The following CLEC16A variants were observed in gnomAD, a reference collection of about 807,000 sequenced individuals.
CLEC16A encodes C-type lectin domain containing 16A, also known as protein CLEC16A.
A neutral mutation model predicts 109.5 loss-of-function variants in CLEC16A; 51 were observed. The observed-to-expected ratio is 0.47, with a 90% CI of 0.37 to 0.59. The LOEUF (loss-of-function observed/expected upper bound fraction) is 0.59, where lower values mean the gene tolerates loss of function less well. CLEC16A is among the 20% of genes least tolerant of loss of function. The pLI, the probability that CLEC16A is intolerant of heterozygous loss-of-function variation, is 0.00. For missense variants in CLEC16A, 1,339 were observed against 1,394.0 expected (o/e 0.96, Z 0.63); for synonymous variants, 673 against 564.2 (o/e 1.19, Z -2.73).
chr16:11,078,331 C>T (rs754720065), intron 19 of CLEC16A, among the ~76,000 whole-genome samples: 3 of 152,162 alleles, frequency 2.0e-5, no homozygotes, highest in Non-Finnish European at 4.4e-5. Context: ...TAAAGGATTC[C>T]ATTGCATAGC....
chr16:11,082,966 T>G (rs908955987), intron 19 of CLEC16A, among the ~76,000 whole-genome samples: 21 of 152,168 alleles, frequency 1.4e-4, no homozygotes, highest in African/African-American at 3.1e-4. Flanking sequence ...CCCATAGATC[T>G]GTGGTTTACC....
chr16:11,166,284 G>C, intron 22 of CLEC16A, 104 bp from the exon 23 acceptor site: 1 of 1,293,864 alleles, frequency 7.7e-7, no homozygotes, highest in Non-Finnish European at 1.0e-6. Flanking sequence ...AACAGAGCAG[G>C]ACTTTCAAGG....
At chr16:10,995,595 G>A (rs1057422009) in intron 10 of CLEC16A, among the ~76,000 whole-genome samples, 1 of 152,206 alleles carries the variant, frequency 6.6e-6, no homozygotes, top group African/African-American at 2.4e-5. Flanking sequence ...GGGTTGAAGG[G>A]CAATGAAAAT....
chr16:10,970,534 C>G (rs138311794), intron 4 of CLEC16A, among the ~76,000 whole-genome samples: 218 of 152,282 alleles, frequency 1.4e-3, no homozygotes, highest in African/African-American at 5.0e-3. Context: ...GTAATGAACC[C>G]AGGTCTGACA....
At chr16:11,067,973 T>G (rs2048860202) in intron 19 of CLEC16A, among the ~76,000 whole-genome samples, 1 of 152,238 alleles carries the variant, frequency 6.6e-6, no homozygotes, top group Non-Finnish European at 1.5e-5. Context: ...TGGGTTGTAT[T>G]CACCTCCTGG....
chr16:11,128,430 G>T (rs2052978851), intron 22 of CLEC16A, among the ~76,000 whole-genome samples: 1 of 152,228 alleles, frequency 6.6e-6, no homozygotes, highest in Non-Finnish European at 1.5e-5. Flanking sequence ...GCTGGTCCCA[G>T]GGTCAGCAAG....
At chr16:11,108,701 G>A (rs2051370877) in intron 19 of CLEC16A, among the ~76,000 whole-genome samples, 1 of 152,194 alleles carries the variant, frequency 6.6e-6, no homozygotes, top group Admixed American at 6.5e-5. Flanking sequence ...CACTTGTCCT[G>A]CTGCAGTTTG....
chr16:11,092,401 C>CACACACACACACACACACAT (rs1491089667), intron 19 of CLEC16A, among the ~76,000 whole-genome samples: 1 of 144,460 alleles, frequency 6.9e-6, no homozygotes, highest in Admixed American at 6.9e-5. Context: ...CACACACACA[C>CACACACACACACACACACAT]ATGCCAGGTG....
intron 22 of CLEC16A, among the ~76,000 whole-genome samples, chr16:11,131,349 A>C (rs896011460): frequency 6.6e-6 from 1 of 152,236 alleles, no homozygotes; most frequent in African/African-American, 2.4e-5. Context: ...ATAAACTCCA[A>C]GTGGACCAGC....
rs1032762503 is a variant in CLEC16A at position 11,179,724 on chromosome 16, G to A, written c.*1034G>A. On this transcript the variant is annotated 3_prime_UTR_variant, in exon 24 of 24. Coordinates refer to ENST00000409790, the MANE Select transcript of CLEC16A (RefSeq NM_015226.3). ...CTACGTCACCTGCCCTCGACTGTGT[G>A]TGCCCACATGTGCCGAGAGATGGCC... The A allele has an allele frequency of 2.6e-5, 4 of 152,344 alleles. No individual in the cohort carries two copies. The allele number at this position is 152,344 out of a possible 1,614,324, so 9.4% of individuals were successfully genotyped here. A position where few individuals can be genotyped will look rare whatever the true frequency, so the allele number is the denominator to read the frequency against.
chr16:11,011,966 T>C (rs1459788869), intron 11 of CLEC16A, among the ~76,000 whole-genome samples: 1 of 152,194 alleles, frequency 6.6e-6, no homozygotes, highest in Non-Finnish European at 1.5e-5. Flanking sequence ...ATTGCTTCAC[T>C]TAGAGTTGTT....
chr16:11,094,430 C>T (rs988739855), intron 19 of CLEC16A, among the ~76,000 whole-genome samples: 12 of 152,178 alleles, frequency 7.9e-5, no homozygotes, highest in African/African-American at 2.9e-4. Context: ...TGGGAGGAGG[C>T]AGAAGTGCTC....
chr16:11,148,065 C>G (rs1340153758), intron 22 of CLEC16A, among the ~76,000 whole-genome samples: 1 of 152,060 alleles, frequency 6.6e-6, no homozygotes, highest in Non-Finnish European at 1.5e-5. Context: ...CATTTCATAC[C>G]TTTCCAGAAA....
intron 22 of CLEC16A, among the ~76,000 whole-genome samples, chr16:11,162,560 A>C (rs772242664): frequency 3.9e-5 from 6 of 152,244 alleles, no homozygotes; most frequent in Admixed American, 3.9e-4. Context: ...TCAAATCTCC[A>C]GCTGCCTTCT....
At position 11,011,519 on chromosome 16, in the gene CLEC16A, G is replaced by T. The variant is rs544447895; in HGVS notation, c.1303+8214G>T. Among the ~76,000 whole-genome samples the T allele has an allele frequency of 6.6e-5, 10 of 152,124 alleles. No individual in the cohort carries two copies. In the South Asian group the frequency reaches 2.1e-3, roughly 32 times the overall value. Reference sequence around the variant, plus strand: ...TTTGAGCAGTCACTTACACTTTCTGGCATAACATGGTGTTCTGTGTTCATC... The same window carrying T: ...TTTGAGCAGTCACTTACACTTTCTGTCATAACATGGTGTTCTGTGTTCATC... On this transcript the variant is annotated intron_variant, in intron 11 of 23. Transcript: ENST00000409790.
chr16:11,176,655 T>G (rs1649869965), intron 23 of CLEC16A, among the ~76,000 whole-genome samples: 2 of 152,156 alleles, frequency 1.3e-5, no homozygotes, highest in African/African-American at 4.8e-5. Flanking sequence ...GGAGGATCAC[T>G]TGAGTCCAGA....
At chr16:11,026,564 G>C (rs577012956) in intron 13 of CLEC16A, among the ~76,000 whole-genome samples, 3 of 151,088 alleles carry the variant, frequency 2.0e-5, no homozygotes, top group Admixed American at 6.6e-5. Context: ...ATTTTGGCTA[G>C]AGGATTATTA....
At chr16:11,055,113 A>G (rs1402667761) in intron 18 of CLEC16A, among the ~76,000 whole-genome samples, 4 of 152,104 alleles carry the variant, frequency 2.6e-5, no homozygotes, top group African/African-American at 9.7e-5. Context: ...TGTGCCAAAT[A>G]CTGTGTTAGC....
At chr16:11,077,373 G>A (rs1002745476) in intron 19 of CLEC16A, among the ~76,000 whole-genome samples, 3 of 151,580 alleles carry the variant, frequency 2.0e-5, no homozygotes, top group African/African-American at 7.3e-5. Flanking sequence ...ACCGGAGACT[G>A]AGGCAGGGGA....
Sources: gnomAD v4.1 joint callset for allele counts (sites outside exome capture counted in the v4.1 genomes callset) on GRCh38, gnomAD v4.1.1 for gene constraint, MANE v1.5 for transcripts, NCBI Gene and HGNC (gene_info 2026-07-23, HGNC 2026-07-21) for gene names.